The following NF1 variants were observed in gnomAD, a reference collection of about 807,000 sequenced individuals.
NF1 encodes neurofibromin 1.
NF1 carries 122 observed loss-of-function variants against 325.7 expected under a neutral mutation model. The ratio of observed to expected loss-of-function variants is 0.37; its 90% confidence interval spans 0.32 to 0.44. The LOEUF is 0.44. NF1 is among the 20% of genes least tolerant of loss of function. NF1 has a pLI of 1.00. For synonymous variants in NF1, 1,091 were observed against 1,186.0 expected, an observed-to-expected ratio of 0.92 and a Z score of 1.65; for missense variants, 2,140 against 3,415.4, an observed-to-expected ratio of 0.63 and a Z score of 9.31.
chr17:31,201,188 A>G (rs2066522612), intron 10 of NF1, 29 bp downstream of exon 10: 1 of 1,613,604 alleles, frequency 6.2e-7, no homozygotes, highest in African/African-American at 1.3e-5. Context: ...ATCTAACTAT[A>G]TTTACTGATG....
chr17:31,365,482 C>T (rs2151593115), intron 57 of NF1, among the ~76,000 whole-genome samples: 1 of 152,256 alleles, frequency 6.6e-6, no homozygotes, highest in African/African-American at 2.4e-5. Context: ...TCACCAGAGA[C>T]TTGACGGTTT....
intron 29 of NF1, among the ~76,000 whole-genome samples, chr17:31,238,057 A>G (rs894824360): frequency 2.6e-5 from 4 of 152,144 alleles, no homozygotes; most frequent in Non-Finnish European, 5.9e-5. Context: ...AGAGAATCAC[A>G]GTTTACCAGG....
chr17:31,320,244 ATATTGT>A, intron 36 of NF1: 1 of 675,750 alleles, frequency 1.5e-6, no homozygotes. Context: ...AAGCAAAACT[ATATTGT>A]TCTCCTGAGA....
At position 31,304,717 on chromosome 17, in the gene NF1, A is replaced by G. The variant is rs370593954; in HGVS notation, c.4836-21103A>G. On this transcript the variant is annotated intron_variant, in intron 36 of 57. Coordinates refer to ENST00000358273, the MANE Select transcript of NF1 (RefSeq NM_001042492.3). ...TGTTTTGGGGTTGTTGGAGTCTTCA[A>G]TGTTTTCACTTGATTCAAACAACTT... 289 of 1,614,036 alleles carry G rather than the reference A, an allele frequency of 1.8e-4. No homozygotes were observed. The highest frequency in any genetic ancestry group is 2.3e-4 in the Non-Finnish European group (273 of 1,180,026).
intron 29 of NF1, among the ~76,000 whole-genome samples, chr17:31,241,748 A>G (rs528295898): frequency 6.6e-6 from 1 of 152,304 alleles, no homozygotes; most frequent in African/African-American, 2.4e-5. Context: ...TTATTTGTAA[A>G]AGGTTCATCT....
At chr17:31,318,345 ATCTTT>A (rs758790082) in intron 36 of NF1, 19 of 1,610,610 alleles carry the variant, frequency 1.2e-5, no homozygotes, top group African/African-American at 2.7e-5. Flanking sequence ...TTCCTTCTTC[ATCTTT>A]TCTTTCCCTT....
At chr17:31,260,290 T>TA in intron 33 of NF1, 79 bp from the exon 34 acceptor site, 1 of 1,422,984 alleles carries the variant, frequency 7.0e-7, no homozygotes, top group Non-Finnish European at 9.9e-7. Context: ...TTCACAAAGT[T>TA]ACTTCTTATA....
At chr17:31,330,171 A>C in intron 38 of NF1, 125 bp from the exon 39 acceptor site, 1 of 814,912 alleles carries the variant, frequency 1.2e-6, no homozygotes, top group Non-Finnish European at 2.0e-6. Flanking sequence ...TTTCTAACTG[A>C]TCATAAAATT....
At chr17:31,365,730 C>T (rs921373608) in intron 57 of NF1, among the ~76,000 whole-genome samples, 3 of 152,190 alleles carry the variant, frequency 2.0e-5, no homozygotes, top group South Asian at 2.1e-4. Flanking sequence ...CAGATCAGAA[C>T]GGGCAGTAGA....
intron 36 of NF1, chr17:31,305,590 A>T: frequency 6.2e-7 from 1 of 1,612,900 alleles, no homozygotes; most frequent in Non-Finnish European, 8.5e-7. Context: ...CAAAATTAAG[A>T]TGAAATATTT....
At chr17:31,325,560 T>C (rs941494131) in intron 36 of NF1, among the ~76,000 whole-genome samples, 2 of 152,252 alleles carry the variant, frequency 1.3e-5, no homozygotes, top group African/African-American at 4.8e-5. Flanking sequence ...CCCACTGTTT[T>C]CTTCCTTTCT....
intron 36 of NF1, among the ~76,000 whole-genome samples, chr17:31,287,455 T>C (rs2068252702): frequency 6.6e-6 from 1 of 152,208 alleles, no homozygotes; most frequent in East Asian, 1.9e-4. Flanking sequence ...GTTAGAATTA[T>C]TTTGATCAGA....
chr17:31,224,571 A>G (rs549282971), intron 16 of NF1, among the ~76,000 whole-genome samples: 102 of 152,294 alleles, frequency 6.7e-4, no homozygotes, highest in African/African-American at 2.3e-3. Context: ...GGCCTCGCCT[A>G]TGGTATAATC....
intron 27 of NF1, among the ~76,000 whole-genome samples, chr17:31,233,546 G>C (rs760461051): frequency 6.6e-6 from 1 of 152,166 alleles, no homozygotes; most frequent in Non-Finnish European, 1.5e-5. Flanking sequence ...TCCACGATTT[G>C]TGCCTGTTTA....
chr17:31,219,390 ATAT>A (rs992738871), intron 14 of NF1: 36 of 165,708 alleles, frequency 2.2e-4, no homozygotes, highest in Admixed American at 5.1e-4. Context: ...ATTTTTAAAA[ATAT>A]TATTATTAAA....
intron 1 of NF1, among the ~76,000 whole-genome samples, chr17:31,098,266 T>G (rs559620088): frequency 5.3e-5 from 8 of 152,122 alleles, no homozygotes; most frequent in Non-Finnish European, 1.2e-4. Context: ...AGAGCTTCAG[T>G]ATGAAAAGTA....
rs762556564 is a variant in NF1 at position 31,295,288 on chromosome 17, T to G, written c.4835+29949T>G. The G allele has an allele frequency of 8.7e-6, 14 of 1,614,024 alleles. No homozygotes were observed. In the East Asian group the frequency reaches 3.1e-4, roughly 36 times the overall value. ...GATGAATAGTTAGAGTTGCAGCTGC[T>G]GCTTCATGTGAATTGATAGTCTCTG... is the stretch of plus-strand genomic sequence containing the variant. On this transcript the variant is annotated intron_variant, in intron 36 of 57. Transcript: ENST00000358273.
chr17:31,162,869 A>G (rs997174660), intron 3 of NF1, among the ~76,000 whole-genome samples: 19 of 152,202 alleles, frequency 1.2e-4, no homozygotes, highest in African/African-American at 4.1e-4. Context: ...TAGAACTCAC[A>G]GCAAACTGGG....
At chr17:31,115,105 C>T (rs927743328) in intron 1 of NF1, among the ~76,000 whole-genome samples, 4 of 152,164 alleles carry the variant, frequency 2.6e-5, no homozygotes, top group South Asian at 2.1e-4. Context: ...TGATGTAGTG[C>T]GGTGGTTCTT....
Sources: allele counts gnomAD v4.1 joint callset (sites outside exome capture counted in the v4.1 genomes callset), GRCh38; gene constraint gnomAD v4.1.1; transcripts MANE v1.5; gene names NCBI Gene and HGNC (gene_info 2026-07-23, HGNC 2026-07-21).